Variants in CNGB3 observed in about 807,000 individuals in gnomAD.
CNGB3 encodes cyclic nucleotide gated channel subunit beta 3.
CNGB3 carries 86 observed loss-of-function variants against 92.8 expected under a neutral mutation model. That is an observed-to-expected ratio of 0.93 (90% confidence interval 0.78 to 1.11). The LOEUF (loss-of-function observed/expected upper bound fraction) is 1.11. Ranked by LOEUF, CNGB3 falls within the 50% of genes least tolerant of loss-of-function variation. The pLI, the probability that CNGB3 is intolerant of heterozygous loss-of-function variation, is 0.00. For synonymous variants in CNGB3, 333 were observed against 332.7 expected, an observed-to-expected ratio of 1.00 and a Z score of -0.01; for missense variants, 1,026 against 956.8, an observed-to-expected ratio of 1.07 and a Z score of -0.95.
At chr8:86,627,643 C>A (rs1402322769) in intron 12 of CNGB3, among the ~76,000 whole-genome samples, 2 of 152,216 alleles carry the variant, frequency 1.3e-5, no homozygotes, top group Non-Finnish European at 2.9e-5. Flanking sequence ...ACTAGCAGTG[C>A]ATTATCTTCG....
chr8:86,704,919 C>T (rs1824623833), intron 3 of CNGB3, among the ~76,000 whole-genome samples: 1 of 152,040 alleles, frequency 6.6e-6, no homozygotes, highest in Non-Finnish European at 1.5e-5. Flanking sequence ...CATCAAATGA[C>T]AGAATGCTAG....
chr8:86,625,497 AT>A (rs35718548), intron 13 of CNGB3, among the ~76,000 whole-genome samples: 6 of 151,800 alleles, frequency 4.0e-5, no homozygotes, highest in Middle Eastern at 3.4e-3. Context: ...CTTTGTTATA[AT>A]TTTTTTTTCC....
chr8:86,638,726 CTG>C (rs1823121428), intron 10 of CNGB3, among the ~76,000 whole-genome samples: 1 of 152,012 alleles, frequency 6.6e-6, no homozygotes, highest in Non-Finnish European at 1.5e-5. Flanking sequence ...TGTAGGAAGA[CTG>C]TATCTGTGAA....
Position 86,578,831 on chromosome 8 carries a change from T to G in CNGB3, c.1961A>C (p.Glu654Ala), listed in dbSNP as rs1180390969. ...AAGATCTTTTCTTGGAGGGGTTGCTTCTGCGGTCTTAGCCTTCTGCTTTAA... is the reference window on the plus strand; with the variant it reads ...AAGATCTTTTCTTGGAGGGGTTGCTGCTGCGGTCTTAGCCTTCTGCTTTAA... Reference protein sequence around the residue: ...VLLKQKAKTAEATPPRKDLAL... With the variant: ...VLLKQKAKTAAATPPRKDLAL... Residue 654 changes from glutamate (E) to alanine (A), a missense_variant, in exon 17 of 18, where the codon GAA (glutamate) becomes GCA (alanine). Physicochemically the swap from Glu to Ala is moderately radical, Grantham distance 107 (BLOSUM62 -1). Transcript: ENST00000320005. The G allele has an allele frequency of 1.2e-6, 2 of 1,614,212 alleles. No homozygotes were observed. The highest frequency in any genetic ancestry group is 1.7e-5 in the Admixed American group (1 of 60,026).
chr8:86,661,882 CCA>C, intron 6 of CNGB3: 1 of 939,860 alleles, frequency 1.1e-6, no homozygotes, highest in Non-Finnish European at 1.7e-6. Flanking sequence ...TCATCACAGT[CCA>C]CAAACCATAT....
chr8:86,696,609 T>A (rs1332733673), intron 3 of CNGB3, among the ~76,000 whole-genome samples: 1 of 152,198 alleles, frequency 6.6e-6, no homozygotes, highest in Non-Finnish European at 1.5e-5. Flanking sequence ...CTGTCTTCTA[T>A]CCACCATTTT....
In CNGB3 at chr8:86,575,719, C is replaced by A. The variant is rs900557831; in HGVS notation, c.*85G>T. ...TCGTTTCTCAAGGGTCCCAGCATGT[C>A]GTTTCCCCTCGTTAATTTAAGTTAC... On this transcript the variant is annotated 3_prime_UTR_variant, in exon 18 of 18. Transcript: ENST00000320005. 4.0e-6 allele frequency: 5 copies of A among 1,254,086 alleles called. No individual in the cohort carries two copies. Among genetic ancestry groups the A allele is most frequent in the Non-Finnish European group, 5.7e-6 (5 of 874,434 alleles). The allele number at this position is 1,254,086 out of a possible 1,614,324, so 77.7% of individuals were successfully genotyped here.
chr8:86,702,301 G>A (rs923250345), intron 3 of CNGB3, among the ~76,000 whole-genome samples: 1 of 152,170 alleles, frequency 6.6e-6, no homozygotes, highest in African/African-American at 2.4e-5. Flanking sequence ...CCACTAGTGG[G>A]ACAATTCTCC....
chr8:86,659,374 A>G, intron 6 of CNGB3: 1 of 846,050 alleles, frequency 1.2e-6, no homozygotes. Context: ...CACTGGCTTG[A>G]GGACTATTGA....
chr8:86,663,703 A>G (rs1381875063), intron 6 of CNGB3, among the ~76,000 whole-genome samples: 1 of 152,240 alleles, frequency 6.6e-6, no homozygotes, highest in Non-Finnish European at 1.5e-5. Flanking sequence ...TGGGTACTCA[A>G]TGTGCATAGT....
At chr8:86,684,188 C>A (rs969009240) in intron 3 of CNGB3, among the ~76,000 whole-genome samples, 5 of 152,070 alleles carry the variant, frequency 3.3e-5, no homozygotes, top group Admixed American at 2.0e-4. Flanking sequence ...GGGTAAAACA[C>A]ATGAACAGAC....
chr8:86,673,513 A>G (rs1284345485), intron 3 of CNGB3, among the ~76,000 whole-genome samples: 1 of 152,112 alleles, frequency 6.6e-6, no homozygotes, highest in Non-Finnish European at 1.5e-5. Flanking sequence ...TGATGGTCCC[A>G]TGTGATCTAT....
intron 10 of CNGB3, among the ~76,000 whole-genome samples, chr8:86,636,130 C>T (rs1331594475): frequency 1.3e-5 from 2 of 151,866 alleles, no homozygotes; most frequent in African/African-American, 4.8e-5. Context: ...ACTTATTTAT[C>T]AATAAAACCT....
chr8:86,684,656 CA>C (rs34942527), intron 3 of CNGB3, among the ~76,000 whole-genome samples: 1,382 of 122,438 alleles, frequency 0.011, 15 homozygotes, highest in African/African-American at 0.027. Flanking sequence ...ATACTTAAGC[CA>C]AAAAAAAAAA....
rs192448853 is a variant in CNGB3 at position 86,578,706 on chromosome 8, G to C, written c.2086C>G (p.Arg696Gly). The change falls in exon 17 of 18, where the codon CGA becomes GGA. Residue 696 changes from arginine (R) to glycine (G), a missense_variant. Physicochemically the swap from Arg to Gly is moderately radical, Grantham distance 125. Transcript: ENST00000320005. ...CTTATTACCTGAGCTGCTTGCTCTC[G>C]CTTCAATTTGAGTAGTCTTGCAAGA... ...ASLARLLKLKREQAAQKKENS... is the reference protein window; with the variant it reads ...ASLARLLKLKGEQAAQKKENS... 2.5e-6 allele frequency: 4 copies of C among 1,613,920 alleles called. No homozygotes were observed. Among genetic ancestry groups the C allele is most frequent in the Non-Finnish European group, 3.4e-6 (4 of 1,180,002 alleles).
chr8:86,706,264 C>G (rs1344987170), intron 3 of CNGB3, among the ~76,000 whole-genome samples: 1 of 143,076 alleles, frequency 7.0e-6, no homozygotes, highest in African/African-American at 2.5e-5. Flanking sequence ...GGCAAACAGC[C>G]CCTCTCTTCC....
intron 14 of CNGB3, among the ~76,000 whole-genome samples, chr8:86,608,574 G>C (rs746860706): frequency 6.6e-6 from 1 of 152,226 alleles, no homozygotes; most frequent in Non-Finnish European, 1.5e-5. Context: ...CCGTCTCCCT[G>C]TGATGCTGTG....
intron 3 of CNGB3, among the ~76,000 whole-genome samples, chr8:86,684,849 A>G (rs1344278854): frequency 6.6e-6 from 1 of 152,148 alleles, no homozygotes; most frequent in Non-Finnish European, 1.5e-5. Flanking sequence ...GTGTGGTTAT[A>G]ACAGTGCAAC....
rs147384067 is a variant in CNGB3, at chr8:86,676,128, A to T, written c.339-5030T>A. The stretch of plus-strand genomic sequence containing the variant: ...TGGATCTTGAAATTGGTTCTTTTAA[A>T]ACTGTGTTTGTTAGGACTCTAAGAA... On this transcript the variant is annotated intron_variant, in intron 3 of 17. Coordinates refer to ENST00000320005, the MANE Select transcript of CNGB3 (RefSeq NM_019098.5). Among the ~76,000 whole-genome samples the T allele has an allele frequency of 5.0e-3, 756 of 152,292 alleles. 5 individuals are homozygous for T. The highest frequency in any genetic ancestry group is 0.024 in the Middle Eastern group (7 of 294).
Sources: allele counts gnomAD v4.1 joint callset (sites outside exome capture counted in the v4.1 genomes callset), GRCh38; gene constraint gnomAD v4.1.1; transcripts MANE v1.5; gene names NCBI Gene and HGNC (gene_info 2026-07-23, HGNC 2026-07-21).